DNAAF5: variants seen among roughly 807,000 people sequenced by gnomAD.
DNAAF5 encodes the protein HEAT repeat containing 2.
DNAAF5 carries 64 observed loss-of-function variants against 75.8 expected under a neutral mutation model. The observed-to-expected ratio is 0.84, with a 90% CI of 0.69 to 1.04. DNAAF5 has a LOEUF of 1.04. Ranked by LOEUF, DNAAF5 falls within the 50% of genes least tolerant of loss-of-function variation. The pLI, the probability that DNAAF5 is intolerant of heterozygous loss-of-function variation, is 0.00. For missense variants in DNAAF5, 1,269 were observed against 1,178.5 expected (o/e 1.08, Z -1.12); for synonymous variants, 657 against 557.2 (o/e 1.18, Z -2.52).
Position 756,843 on chromosome 7 carries a change from TC to T in DNAAF5, c.1320del (p.Leu441TyrfsTer4), listed in dbSNP as rs1782500342. On this transcript the variant is annotated frameshift_variant, in exon 6 of 13. Transcript: ENST00000297440. LOFTEE classifies it high-confidence loss of function. ...FVSPEVFLKLILSTLKKTPSA... is the reference protein window; with the variant it reads ...FVSPEVFLKLXLSTLKKTPSA... ...AGCCCTGAGGTGTTTCTGAAGCTGA[TC>T]TTATCGACGCTGAAGAAGACGCCCT... 3.1e-6 allele frequency: 5 copies of T among 1,613,878 alleles called. No individual in the cohort carries two copies. The highest frequency in any genetic ancestry group is 4.2e-6 in the Non-Finnish European group (5 of 1,180,020).
rs778205717 is a variant in DNAAF5 at position 761,860 on chromosome 7, A to T, written c.1578A>T (p.Ile526=). Residue 526 remains isoleucine (I), a synonymous_variant, in exon 7 of 13, where the codon ATA becomes ATT. Transcript: ENST00000297440. ...AGCTCTTGGACGTGCTGCTGACAAT[A>T]GTGGCCCTCGCAGGTGCTACCGGCC... ...SLQLLDVLLT[I]VALAGATGLR... 1 of 1,590,160 alleles carries T rather than the reference A, an allele frequency of 6.3e-7. No homozygotes were observed. Among genetic ancestry groups the T allele is most frequent in the Non-Finnish European group, 8.6e-7 (1 of 1,168,678 alleles).
In DNAAF5 at chr7:740,956, G is replaced by A. The variant is rs1349244601; in HGVS notation, c.905+13G>A. On this transcript the variant is annotated intron_variant, in intron 3 of 12. Coordinates refer to ENST00000297440, the MANE Select transcript of DNAAF5 (RefSeq NM_017802.4). ...TGCCTGAGGTCAGGTACGTGGGCAGGCGGCCGCGGGCCTTGTCTTCCTAAA... is the reference window on the plus strand; with the variant it reads ...TGCCTGAGGTCAGGTACGTGGGCAGACGGCCGCGGGCCTTGTCTTCCTAAA... 1.9e-6 allele frequency: 3 copies of A among 1,611,024 alleles called. No homozygotes were observed. The highest frequency in any genetic ancestry group is 1.7e-5 in the Admixed American group (1 of 60,014).
chr7:740,650 C>CG (rs1741391428), intron 2 of DNAAF5, among the ~76,000 whole-genome samples, 169 bp from the exon 3 acceptor site: 1 of 152,212 alleles, frequency 6.6e-6, no homozygotes. Flanking sequence ...ACCCCGGCCA[C>CG]GCGCCTCTGT....
At chr7:777,214 T>G (rs1445187262) in intron 11 of DNAAF5, among the ~76,000 whole-genome samples, 1 of 152,104 alleles carries the variant, frequency 6.6e-6, no homozygotes, top group Non-Finnish European at 1.5e-5. Flanking sequence ...TGAAACCATC[T>G]CACCCCCTGG....
At chr7:732,004 A>G (rs117171970) in intron 2 of DNAAF5, among the ~76,000 whole-genome samples, 2 of 152,204 alleles carry the variant, frequency 1.3e-5, no homozygotes, top group Non-Finnish European at 2.9e-5. Flanking sequence ...CTCGTAGGAA[A>G]CCTTCCAGCA....
At chr7:733,433 G>C (rs1345538387) in intron 2 of DNAAF5, among the ~76,000 whole-genome samples, 1 of 152,146 alleles carries the variant, frequency 6.6e-6, no homozygotes, top group Non-Finnish European at 1.5e-5. Context: ...GATTCTTCCA[G>C]TCCATGGAGT....
At position 761,882 on chromosome 7, in the gene DNAAF5, G is replaced by A. The variant is rs772828443; in HGVS notation, c.1600G>A (p.Gly534Ser). Reference sequence around the variant, plus strand: ...AATAGTGGCCCTCGCAGGTGCTACCGGCCTGAGGGACAAGGTAAGGCTGAC... The same window carrying A: ...AATAGTGGCCCTCGCAGGTGCTACCAGCCTGAGGGACAAGGTAAGGCTGAC... ...LTIVALAGAT[G>S]LRDKAQETMD... Residue 534 changes from glycine to serine, a missense_variant, in exon 7 of 13, where the codon GGC becomes AGC. Coordinates refer to ENST00000297440, the MANE Select transcript of DNAAF5 (RefSeq NM_017802.4). The A allele has an allele frequency of 2.0e-5, 31 of 1,575,694 alleles. No individual in the cohort carries two copies. Among genetic ancestry groups the A allele is most frequent in the African/African-American group, 9.5e-5 (7 of 73,952 alleles).
chr7:727,370 C>G, intron 1 of DNAAF5, 55 bp downstream of exon 1: 1 of 1,029,440 alleles, frequency 9.7e-7, no homozygotes, highest in Non-Finnish European at 1.2e-6. Context: ...ACCCCCACCT[C>G]CACCTCCGCG....
chr7:778,300 T>C (rs1159858024), intron 11 of DNAAF5: 2 of 152,340 alleles, frequency 1.3e-5, no homozygotes, highest in African/African-American at 2.4e-5. Context: ...TTATTTTCAC[T>C]ACAAAAGGTT....
chr7:733,967 C>T (rs1781660085), intron 2 of DNAAF5, among the ~76,000 whole-genome samples: 1 of 152,178 alleles, frequency 6.6e-6, no homozygotes, highest in Non-Finnish European at 1.5e-5. Context: ...TTGTATCCTG[C>T]AACTTTACTG....
chr7:767,628 T>C (rs544463373), intron 8 of DNAAF5, among the ~76,000 whole-genome samples: 2 of 151,924 alleles, frequency 1.3e-5, no homozygotes, highest in African/African-American at 4.8e-5. Flanking sequence ...TGTGGTGTGA[T>C]ATGGAGGGAA....
intron 11 of DNAAF5, among the ~76,000 whole-genome samples, chr7:776,343 AAAG>A (rs1439570113): frequency 6.6e-6 from 1 of 152,210 alleles, no homozygotes; most frequent in African/African-American, 2.4e-5. Context: ...CTCAAAAAAA[AAAG>A]AAAATAGAAA....
intron 2 of DNAAF5, among the ~76,000 whole-genome samples, chr7:738,810 T>C (rs1781813073): frequency 6.6e-6 from 1 of 152,216 alleles, no homozygotes; most frequent in African/African-American, 2.4e-5. Context: ...GTGAGATGTT[T>C]GAAGCTCCTT....
At chr7:753,798 G>A (rs1160554449) in intron 4 of DNAAF5, among the ~76,000 whole-genome samples, 1 of 148,318 alleles carries the variant, frequency 6.7e-6, no homozygotes, top group Non-Finnish European at 1.5e-5. Context: ...ATATGGCGAT[G>A]GCTTCGCAGG....
intron 2 of DNAAF5, among the ~76,000 whole-genome samples, chr7:739,595 GC>G (rs1342894172): frequency 1.3e-5 from 2 of 152,208 alleles, no homozygotes; most frequent in Non-Finnish European, 2.9e-5. Flanking sequence ...CTGCTCGCAC[GC>G]CGAGAGTCGC....
chr7:733,837 T>C (rs542331417), intron 2 of DNAAF5, among the ~76,000 whole-genome samples: 3 of 152,352 alleles, frequency 2.0e-5, no homozygotes, highest in East Asian at 3.9e-4. Flanking sequence ...TTGGTTAAGT[T>C]AATTCCTAGG....
intron 2 of DNAAF5, among the ~76,000 whole-genome samples, chr7:730,967 C>T (rs1364628387): frequency 6.6e-6 from 1 of 152,220 alleles, no homozygotes; most frequent in Admixed American, 6.5e-5. Flanking sequence ...AGTGCGGGGT[C>T]AGTGTCCATG....
intron 10 of DNAAF5, 111 bp downstream of exon 10, chr7:774,309 C>A: frequency 8.7e-7 from 1 of 1,153,208 alleles, no homozygotes; most frequent in Non-Finnish European, 1.2e-6. Context: ...GCTGCACCTC[C>A]ACCTGGGGCC....
Position 762,199 on chromosome 7 carries a change from C to G in DNAAF5, c.1614+303C>G, listed in dbSNP as rs150694871. On this transcript the variant is annotated intron_variant, in intron 7 of 12. Coordinates refer to ENST00000297440, the MANE Select transcript of DNAAF5 (RefSeq NM_017802.4). ...CACTTGAGTAGGGTTTAATAGTGCA[C>G]ATGTCGCTGGGCGTGGCATCTCACG... is the stretch of plus-strand genomic sequence containing the variant. 2.7e-3 allele frequency among the ~76,000 whole-genome samples: 410 copies of G among 152,252 alleles called. 4 individuals are homozygous for G. Among genetic ancestry groups the G allele is most frequent in the African/African-American group, 9.1e-3 (379 of 41,540 alleles).
Sources: allele counts gnomAD v4.1 joint callset (sites outside exome capture counted in the v4.1 genomes callset), GRCh38; gene constraint gnomAD v4.1.1; transcripts MANE v1.5; gene names NCBI Gene and HGNC (gene_info 2026-07-23, HGNC 2026-07-21).